The following MTERF4 variants were observed in gnomAD, a reference collection of about 807,000 sequenced individuals.
MTERF4 encodes the protein mitochondrial transcription termination factor 4.
Under a neutral mutation model 22.5 loss-of-function variants are expected in MTERF4, and 17 were observed. The ratio of observed to expected loss-of-function variants is 0.75; its 90% CI spans 0.52 to 1.13. MTERF4 has a LOEUF of 1.13. MTERF4 is among the 50% of genes most tolerant of loss of function. MTERF4 has a pLI of 0.00. For synonymous variants in MTERF4, 165 were observed against 175.3 expected (o/e 0.94, Z 0.47); for missense variants, 420 against 466.8 (o/e 0.90, Z 0.92).
At chr2:241,052,031 C>G in the MTERF4 span, 2 of 1,612,796 alleles carry the variant, frequency 1.2e-6, no homozygotes, top group African/African-American at 2.7e-5. Context: ...GACCTGGCTT[C>G]TGTTTCCAGG....
downstream of MTERF4, chr2:241,094,370 A>C (rs1242770185): frequency 1.1e-5 from 5 of 470,706 alleles, no homozygotes; most frequent in Non-Finnish European, 2.2e-5. This position sits in a 1 kb window ranked among gnomAD's most constrained non-coding sequence, Gnocchi z 4.3. Context: ...GGAGTCACCG[A>C]GCTGCTTTTC....
chr2:241,064,848 T>C, the MTERF4 span: 1 of 1,583,638 alleles, frequency 6.3e-7, no homozygotes, highest in South Asian at 1.2e-5. This position sits in a 1 kb window ranked among gnomAD's most constrained non-coding sequence, Gnocchi z 7.0. Flanking sequence ...CCTCAGTGAG[T>C]GACCCCTGCT....
chr2:241,072,276 G>A (rs1001097228), exon 5 of MTERF4: 58 of 467,298 alleles, frequency 1.2e-4, no homozygotes, highest in East Asian at 3.9e-4. Flanking sequence ...AGTGTGGTCC[G>A]GCAAATCCTC....
At chr2:241,087,310 G>A, downstream of MTERF4, 1 of 1,331,204 alleles carries the variant, frequency 7.5e-7, no homozygotes, top group East Asian at 2.6e-5. Context: ...CAGGTTTACT[G>A]TGGGTTCACA....
downstream of MTERF4, chr2:241,092,581 G>A (rs1371105713): frequency 6.6e-6 from 1 of 152,166 alleles, no homozygotes; most frequent in Non-Finnish European, 1.5e-5. This position sits in a 1 kb window ranked among gnomAD's most constrained non-coding sequence, Gnocchi z 4.6. Flanking sequence ...CATGGAAAAA[G>A]CTATTCAGAC....
chr2:241,098,326 T>C (rs1008841563), intron 2 of MTERF4, among the ~76,000 whole-genome samples: 3 of 152,238 alleles, frequency 2.0e-5, no homozygotes, highest in Non-Finnish European at 4.4e-5. Context: ...CTTTTTCTTA[T>C]CTTCTAGAGA....
chr2:241,090,083 T>C (rs1351895019), downstream of MTERF4: 7 of 1,513,470 alleles, frequency 4.6e-6, no homozygotes, highest in Non-Finnish European at 6.2e-6. Flanking sequence ...TGTAACTTTT[T>C]TACTTTATAC....
the MTERF4 span, chr2:241,062,779 C>A: frequency 6.3e-7 from 1 of 1,590,640 alleles, no homozygotes; most frequent in Non-Finnish European, 8.6e-7. Context: ...TTCTTGGGCT[C>A]TCTCCTCTCA....
At chr2:241,057,410 T>TATGC in the MTERF4 span, among the ~76,000 whole-genome samples, 1 of 123,878 alleles carries the variant, frequency 8.1e-6, no homozygotes, top group Non-Finnish European at 1.7e-5. Flanking sequence ...TATATATATA[T>TATGC]ATGCCATACG....
downstream of MTERF4, chr2:241,071,662 C>A: frequency 6.4e-7 from 1 of 1,564,310 alleles, no homozygotes; most frequent in East Asian, 2.3e-5. Context: ...GGCGCGCCTG[C>A]CGGAGCTGCG....
At chr2:241,099,111 G>T in intron 2 of MTERF4, 3 of 278,712 alleles carry the variant, frequency 1.1e-5, no homozygotes, top group Admixed American at 4.9e-5. Flanking sequence ...CAGCCTTGCT[G>T]TCACCCAGGC....
chr2:241,069,125 C>T (rs1395151383), downstream of MTERF4: 1 of 743,958 alleles, frequency 1.3e-6, no homozygotes, highest in East Asian at 2.8e-5. This position sits in a 1 kb window ranked among gnomAD's most constrained non-coding sequence, Gnocchi z 4.9. Context: ...TCCACAACAC[C>T]AGAAACCCAG....
downstream of MTERF4, chr2:241,072,116 G>A (rs10204115): frequency 0.047 from 32,769 of 697,486 alleles, 3,062 homozygotes; most frequent in African/African-American, 0.23. Flanking sequence ...GGCTGGAGGC[G>A]CAGGCTGCTG....
At chr2:241,067,676 C>A, downstream of MTERF4, 1 of 1,144,488 alleles carries the variant, frequency 8.7e-7, no homozygotes, top group Non-Finnish European at 1.2e-6. Flanking sequence ...CCCCCAGCAC[C>A]CTCCCAAGCC....
chr2:241,083,091 G>C (rs533503016), downstream of MTERF4, among the ~76,000 whole-genome samples: 4 of 152,352 alleles, frequency 2.6e-5, 1 homozygote, highest in South Asian at 8.3e-4. Flanking sequence ...GTGGTGTGTG[G>C]TGTGGCAGGT....
At chr2:241,061,894 A>C in the MTERF4 span, among the ~76,000 whole-genome samples, 4 of 152,026 alleles carry the variant, frequency 2.6e-5, no homozygotes, top group Non-Finnish European at 5.9e-5. Context: ...AAAAAGGAAA[A>C]AGTCTAGAAC....
At chr2:241,057,327 C>T in the MTERF4 span, among the ~76,000 whole-genome samples, 4 of 148,536 alleles carry the variant, frequency 2.7e-5, 1 homozygote, top group African/African-American at 7.6e-5. Context: ...TGCAATGAGC[C>T]GAGATTGCGC....
downstream of MTERF4, among the ~76,000 whole-genome samples, chr2:241,068,319 CA>C (rs1469020350): frequency 7.0e-6 from 1 of 141,944 alleles, no homozygotes; most frequent in Admixed American, 6.7e-5. This position sits in a 1 kb window ranked among gnomAD's most constrained non-coding sequence, Gnocchi z 5.3. Context: ...AGGAGTCCCA[CA>C]GTGGACCCCT....
exon 5 of MTERF4, chr2:241,072,241 C>A: frequency 2.1e-6 from 1 of 477,894 alleles, no homozygotes; most frequent in Non-Finnish European, 4.1e-6. Context: ...GGCAGGAGGC[C>A]ATGAGGGTCT....
Sources: gnomAD v4.1 joint callset for allele counts (sites outside exome capture counted in the v4.1 genomes callset) on GRCh38, gnomAD v4.1.1 for gene constraint, Gnocchi (gnomAD v3.1) non-coding constraint, MANE v1.5 for transcripts, NCBI Gene and HGNC (gene_info 2026-07-23, HGNC 2026-07-21) for gene names.